The following CFAP44 variants were observed in gnomAD, a reference collection of about 807,000 sequenced individuals.
The protein encoded by CFAP44 is cilia- and flagella-associated protein 44.
Under a neutral mutation model 216.2 loss-of-function variants are expected in CFAP44, and 134 were observed. That is an observed-to-expected ratio of 0.62 (90% CI 0.54 to 0.72). The LOEUF is 0.72. Ranked by LOEUF, CFAP44 falls within the 30% of genes least tolerant of loss-of-function variation. CFAP44 has a pLI of 0.00. For synonymous variants in CFAP44, 700 were observed against 727.6 expected (o/e 0.96, Z 0.61); for missense variants, 2,035 against 2,182.1 (o/e 0.93, Z 1.34).
intron 15 of CFAP44, 68 bp from the exon 16 acceptor site, chr3:113,381,128 T>C: frequency 8.9e-7 from 1 of 1,118,308 alleles, no homozygotes; most frequent in Non-Finnish European, 1.2e-6. Context: ...AAAGAGATTA[T>C]AAATAAAAAT....
chr3:113,351,951 C>T (rs1036442477), intron 22 of CFAP44, among the ~76,000 whole-genome samples: 4 of 152,124 alleles, frequency 2.6e-5, no homozygotes, highest in African/African-American at 9.7e-5. Flanking sequence ...AGAGAGTTAC[C>T]CTCTGGAGGA....
chr3:113,436,225 A>G (rs1935236582), intron 1 of CFAP44, among the ~76,000 whole-genome samples: 1 of 150,300 alleles, frequency 6.7e-6, no homozygotes, highest in Admixed American at 6.6e-5. Context: ...GTTACTCTAC[A>G]GTGAGTAACT....
At chr3:113,435,881 G>GTA (rs1050982805) in intron 1 of CFAP44, among the ~76,000 whole-genome samples, 8 of 149,434 alleles carry the variant, frequency 5.4e-5, no homozygotes, top group African/African-American at 2.0e-4. Flanking sequence ...GTGTGTGTGT[G>GTA]TGTGTTTTCC....
intron 22 of CFAP44, among the ~76,000 whole-genome samples, chr3:113,354,670 C>T (rs772294499): frequency 5.9e-5 from 9 of 152,174 alleles, no homozygotes; most frequent in Non-Finnish European, 1.2e-4. Flanking sequence ...ACACACCTAT[C>T]CCTGCCCCCA....
At chr3:113,441,347 A>G in intron 1 of CFAP44, 106 bp downstream of exon 1, 1 of 974,420 alleles carries the variant, frequency 1.0e-6, no homozygotes, top group East Asian at 1.1e-4. Flanking sequence ...GAAGGCTATA[A>G]CACTGGTCCA....
intron 24 of CFAP44, among the ~76,000 whole-genome samples, chr3:113,339,465 G>C (rs1014830192): frequency 6.6e-6 from 1 of 152,160 alleles, no homozygotes; most frequent in Non-Finnish European, 1.5e-5. Flanking sequence ...AATGAAGTAG[G>C]GGAAACCTGG....
In CFAP44 at chr3:113,409,268, A is replaced by G. The variant is rs769186901; in HGVS notation, c.728T>C (p.Leu243Pro). The change falls in exon 7 of 35, where the codon CTG becomes CCG. Residue 243 changes from leucine (L) to proline (P), a missense_variant. Coordinates refer to ENST00000393845, the MANE Select transcript of CFAP44 (RefSeq NM_001164496.2). ...YVDFNYSGNLLASVGSNPDYT... is the reference protein window; with the variant it reads ...YVDFNYSGNLPASVGSNPDYT... ...GTCAGGGTTACTACCAACAGAGGCC[A>G]GCAAGTTACCGCTGTAGTTAAAGTC... The G allele has an allele frequency of 6.2e-7, 1 of 1,614,208 alleles. No homozygotes were observed. Among genetic ancestry groups the G allele is most frequent in the Admixed American group, 1.7e-5 (1 of 60,026 alleles).
At chr3:113,325,593 T>G (rs1261342417) in intron 28 of CFAP44, among the ~76,000 whole-genome samples, 1 of 151,984 alleles carries the variant, frequency 6.6e-6, no homozygotes, top group Admixed American at 6.5e-5. Context: ...TACGGCATAT[T>G]GTGCTTTCCA....
intron 24 of CFAP44, among the ~76,000 whole-genome samples, chr3:113,333,909 C>T (rs1203991087): frequency 6.6e-6 from 1 of 151,830 alleles, no homozygotes; most frequent in Non-Finnish European, 1.5e-5. Flanking sequence ...ATAAATTAAG[C>T]CTTGGAAATT....
Position 113,396,620 on chromosome 3 carries a change from T to C in CFAP44, c.1677A>G (p.Lys559=). The stretch of plus-strand genomic sequence containing the variant: ...TCAACTGAATATCAGCATCCAAAAT[T>C]TTCTTCCGTCCCGCAAAAATCGTGA... ...KGLTIFAGRK[K]ILDADIQLKQ... Residue 559 remains lysine (K), a synonymous_variant, in exon 14 of 35, where the codon AAA becomes AAG. Transcript: ENST00000393845. 6.2e-7 allele frequency: 1 copy of C among 1,614,046 alleles called. No individual in the cohort carries two copies. The highest frequency in any genetic ancestry group is 1.1e-5 in the South Asian group (1 of 91,084).
At chr3:113,291,920 G>A (rs1478978248) in intron 34 of CFAP44, among the ~76,000 whole-genome samples, 172 bp from the exon 35 acceptor site, 1 of 152,164 alleles carries the variant, frequency 6.6e-6, no homozygotes, top group African/African-American at 2.4e-5. Flanking sequence ...CATTAGAAAT[G>A]TGTGCCTTTG....
At chr3:113,379,800 G>C (rs1372939363) in intron 16 of CFAP44, among the ~76,000 whole-genome samples, 1 of 151,892 alleles carries the variant, frequency 6.6e-6, no homozygotes, top group Non-Finnish European at 1.5e-5. Context: ...TTTCATAATA[G>C]AGAAGCTAAA....
At chr3:113,310,328 C>A (rs1950026012) in intron 28 of CFAP44, among the ~76,000 whole-genome samples, 1 of 152,218 alleles carries the variant, frequency 6.6e-6, no homozygotes, top group Non-Finnish European at 1.5e-5. Flanking sequence ...TACTTGCCAT[C>A]CCCACGATGT....
intron 22 of CFAP44, among the ~76,000 whole-genome samples, chr3:113,345,628 T>C (rs1950374148): frequency 6.6e-6 from 1 of 152,196 alleles, no homozygotes; most frequent in African/African-American, 2.4e-5. Flanking sequence ...AATCTCTAGT[T>C]CATCTTTCTC....
chr3:113,369,058 T>C (rs1056356639), intron 18 of CFAP44, among the ~76,000 whole-genome samples: 2 of 152,062 alleles, frequency 1.3e-5, no homozygotes, highest in African/African-American at 4.8e-5. Flanking sequence ...ATATATGCAC[T>C]CAATACAGGA....
chr3:113,413,299 T>C (rs187140418), intron 6 of CFAP44, among the ~76,000 whole-genome samples: 170 of 152,332 alleles, frequency 1.1e-3, no homozygotes, highest in African/African-American at 3.8e-3. Flanking sequence ...ATTGCAAAAA[T>C]TTTCTCCCTC....
chr3:113,366,936 G>A (rs190078067), intron 18 of CFAP44, among the ~76,000 whole-genome samples: 31 of 152,298 alleles, frequency 2.0e-4, no homozygotes, highest in South Asian at 4.1e-4. Context: ...CGGGTCCCAC[G>A]CCCATGGAGC....
At chr3:113,402,871 G>C (rs987665997) in intron 9 of CFAP44, among the ~76,000 whole-genome samples, 2 of 152,088 alleles carry the variant, frequency 1.3e-5, no homozygotes, top group Admixed American at 1.3e-4. Context: ...GTATATCTTG[G>C]AAAGATAGCA....
intron 15 of CFAP44, among the ~76,000 whole-genome samples, chr3:113,393,708 G>A (rs373048284): frequency 1.1e-3 from 172 of 152,226 alleles, no homozygotes; most frequent in African/African-American, 3.9e-3. Flanking sequence ...TAGAGACAGG[G>A]TTTCACTATG....
Sources: allele counts gnomAD v4.1 joint callset (sites outside exome capture counted in the v4.1 genomes callset), GRCh38; gene constraint gnomAD v4.1.1; transcripts MANE v1.5; gene names NCBI Gene and HGNC (gene_info 2026-07-23, HGNC 2026-07-21).